TBL1XR1: variants seen among roughly 807,000 people sequenced by gnomAD.
TBL1XR1 encodes F-box-like/WD repeat-containing protein TBL1XR1.
TBL1XR1 carries 5 observed loss-of-function variants against 66.9 expected under a neutral mutation model. The ratio of observed to expected loss-of-function variants is 0.07; its 90% CI spans 0.04 to 0.16. The LOEUF (loss-of-function observed/expected upper bound fraction) is 0.16. Among genes scored for constraint, TBL1XR1 ranks in the 10% least tolerant of loss-of-function variants. The pLI, the probability that TBL1XR1 is intolerant of heterozygous loss-of-function variation, is 1.00. For synonymous variants in TBL1XR1, 210 were observed against 206.0 expected (o/e 1.02, Z -0.17); for missense variants, 238 against 623.2 (o/e 0.38, Z 6.58).
rs370149197 is a variant in TBL1XR1 at position 177,022,456 on chromosome 3, A to G, written c.*3042T>C. 7 of 152,644 alleles carry G rather than the reference A, an allele frequency of 4.6e-5. No homozygotes were observed. The East Asian group carries it at 7.7e-4, about 17-fold the overall frequency. The allele number at this position is 152,644 out of a possible 1,614,324, so 9.5% of individuals were successfully genotyped here. A position where few individuals can be genotyped will look rare whatever the true frequency, so the allele number is the denominator to read the frequency against. ...GCAGGAAATGGGAACTGGAACAAAT[A>G]TAAGAACTTATGGGATTTCCTACAC... On this transcript the variant is annotated 3_prime_UTR_variant, in exon 16 of 16. Transcript: ENST00000457928.
intron 14 of TBL1XR1, among the ~76,000 whole-genome samples, chr3:177,031,041 G>C (rs1200621213): frequency 6.6e-6 from 1 of 152,192 alleles, no homozygotes; most frequent in East Asian, 1.9e-4. Flanking sequence ...GAACCCAGGA[G>C]GTGGAGGTTG....
intron 15 of TBL1XR1, chr3:177,025,874 T>C: frequency 3.3e-6 from 1 of 305,734 alleles, no homozygotes; most frequent in Non-Finnish European, 6.1e-6. Context: ...CATCAGTAAA[T>C]AGCTACCCTT....
chr3:177,182,535 G>A (rs1734951220), intron 1 of TBL1XR1, among the ~76,000 whole-genome samples: 1 of 152,168 alleles, frequency 6.6e-6, no homozygotes, highest in Non-Finnish European at 1.5e-5. Flanking sequence ...GTATACCTCA[G>A]TCAGAGCCTC....
intron 1 of TBL1XR1, among the ~76,000 whole-genome samples, chr3:177,166,148 A>G (rs1732793157): frequency 6.6e-6 from 1 of 152,144 alleles, no homozygotes; most frequent in Non-Finnish European, 1.5e-5. Flanking sequence ...GCACTCTGGG[A>G]GGCCAAGGCA....
intron 1 of TBL1XR1, among the ~76,000 whole-genome samples, chr3:177,132,702 C>T (rs1346114824): frequency 6.6e-6 from 1 of 152,116 alleles, no homozygotes; most frequent in Non-Finnish European, 1.5e-5. Flanking sequence ...AAGAATCCAA[C>T]AAAGTGACAA....
At chr3:177,175,010 T>G (rs1438346305) in intron 1 of TBL1XR1, among the ~76,000 whole-genome samples, 1 of 152,234 alleles carries the variant, frequency 6.6e-6, no homozygotes, top group African/African-American at 2.4e-5. Context: ...CAAAACTGTT[T>G]GCCAGAAAAG....
At chr3:177,101,833 C>T (rs1310299679) in intron 1 of TBL1XR1, among the ~76,000 whole-genome samples, 1 of 152,150 alleles carries the variant, frequency 6.6e-6, no homozygotes, top group African/African-American at 2.4e-5. Context: ...ATGAATGTAT[C>T]ACCGGTGCTT....
At chr3:177,146,606 A>AAAAAAAAAAAAAAAAAAAC in intron 1 of TBL1XR1, among the ~76,000 whole-genome samples, 1 of 149,908 alleles carries the variant, frequency 6.7e-6, no homozygotes, top group Non-Finnish European at 1.5e-5. Context: ...AAAAAAAAAA[A>AAAAAAAAAAAAAAAAAAAC]AGTTGTATTC....
chr3:177,103,439 G>A (rs1033447935), intron 1 of TBL1XR1, among the ~76,000 whole-genome samples: 7 of 152,146 alleles, frequency 4.6e-5, no homozygotes, highest in Non-Finnish European at 7.4e-5. Context: ...TAAAGTAAAC[G>A]AAGTATTAAT....
chr3:177,038,582 TAAAATA>T (rs1576994663), intron 10 of TBL1XR1, 148 bp from the exon 11 acceptor site: 3 of 765,176 alleles, frequency 3.9e-6, no homozygotes, highest in East Asian at 3.0e-5. Flanking sequence ...AAGAAAAAAT[TAAAATA>T]AAAGTATCTA....
intron 1 of TBL1XR1, among the ~76,000 whole-genome samples, chr3:177,139,648 A>C (rs1729404436): frequency 7.2e-6 from 1 of 139,148 alleles, no homozygotes; most frequent in South Asian, 2.3e-4. Context: ...AAAGTAAAGC[A>C]AAAAAACCCA....
At chr3:177,152,077 T>C (rs1291270573) in intron 1 of TBL1XR1, among the ~76,000 whole-genome samples, 2 of 152,192 alleles carry the variant, frequency 1.3e-5, no homozygotes, top group Admixed American at 1.3e-4. Context: ...TTGATTCAAA[T>C]GGGTAACAGT....
chr3:177,098,142 G>A (rs1476330573), intron 2 of TBL1XR1, among the ~76,000 whole-genome samples: 3 of 152,074 alleles, frequency 2.0e-5, no homozygotes, highest in Non-Finnish European at 4.4e-5. Context: ...CTGGGAGGCG[G>A]AGGAGGTTGC....
chr3:177,100,100 A>G (rs572859901), intron 1 of TBL1XR1, among the ~76,000 whole-genome samples: 47 of 152,178 alleles, frequency 3.1e-4, no homozygotes, highest in African/African-American at 9.9e-4. Flanking sequence ...TCAGCCAGGC[A>G]TGGTGGCGCA....
At chr3:177,195,422 C>G (rs1200303910) in intron 1 of TBL1XR1, among the ~76,000 whole-genome samples, 3 of 64,736 alleles carry the variant, frequency 4.6e-5, no homozygotes, top group Non-Finnish European at 1.5e-4. Flanking sequence ...AGGTGCCCTA[C>G]TTCCCCAGAC....
At chr3:177,094,364 A>G (rs1723197630) in intron 2 of TBL1XR1, among the ~76,000 whole-genome samples, 1 of 152,224 alleles carries the variant, frequency 6.6e-6, no homozygotes, top group Non-Finnish European at 1.5e-5. Context: ...GAACACTTAC[A>G]CTGCTGGTGG....
At chr3:177,145,779 C>G (rs1217314427) in intron 1 of TBL1XR1, among the ~76,000 whole-genome samples, 2 of 152,192 alleles carry the variant, frequency 1.3e-5, no homozygotes, top group Non-Finnish European at 2.9e-5. Flanking sequence ...AGTAGATTAA[C>G]CCTCCCAATT....
chr3:177,169,609 A>G (rs1475257289), intron 1 of TBL1XR1, among the ~76,000 whole-genome samples: 1 of 152,264 alleles, frequency 6.6e-6, no homozygotes, highest in Non-Finnish European at 1.5e-5. Context: ...TAGAGAAATG[A>G]CAAAGACTTC....
Position 177,160,452 on chromosome 3 carries a change from C to T in TBL1XR1, c.-122+36669G>A, listed in dbSNP as rs375944477. On this transcript the variant is annotated intron_variant, in intron 1 of 15. Coordinates refer to ENST00000457928, the MANE Select transcript of TBL1XR1 (RefSeq NM_024665.7). ...TTGCGCCACTGCACTCCAGCCTGGG[C>T]GACAGAGCGAGACTCTGTCTCAAAA... Among the ~76,000 whole-genome samples the T allele has an allele frequency of 1.1e-3, 159 of 145,896 alleles. 1 individual carries two copies. The highest frequency in any genetic ancestry group is 3.7e-3 in the African/African-American group (147 of 39,538).
Sources: gnomAD v4.1 joint callset for allele counts (sites outside exome capture counted in the v4.1 genomes callset) on GRCh38, gnomAD v4.1.1 for gene constraint, MANE v1.5 for transcripts, NCBI Gene and HGNC (gene_info 2026-07-23, HGNC 2026-07-21) for gene names.